Variants in CD164 observed in about 807,000 individuals in gnomAD.
CD164 encodes the protein sialomucin core protein 24.
In CD164, 11 loss-of-function variants were observed where a neutral mutation model predicts 24.6. The observed-to-expected ratio is 0.45, with a 90% confidence interval of 0.28 to 0.74. CD164 has a LOEUF of 0.74. Ranked by LOEUF, CD164 falls within the 30% of genes least tolerant of loss-of-function variation. The pLI, the probability that CD164 is intolerant of heterozygous loss-of-function variation, is 0.13. For synonymous variants in CD164, 126 were observed against 100.3 expected (o/e 1.26, Z -1.53); for missense variants, 295 against 243.7 (o/e 1.21, Z -1.40).
chr6:109,380,419 T>C (rs1771670761), intron 1 of CD164: 1 of 152,210 alleles, frequency 6.6e-6, no homozygotes, highest in Non-Finnish European at 1.5e-5. Flanking sequence ...TTGGGCTCCA[T>C]TCATTTTCCT....
intron 2 of CD164, among the ~76,000 whole-genome samples, chr6:109,378,623 G>A (rs1771556187): frequency 6.6e-6 from 1 of 152,066 alleles, no homozygotes; most frequent in Admixed American, 6.6e-5. Flanking sequence ...AGAGTAAGGG[G>A]AGAACCTTTC....
Position 109,367,889 on chromosome 6 carries a change from A to G in CD164, c.*962T>C, listed in dbSNP as rs1468487366. On this transcript the variant is annotated 3_prime_UTR_variant, in exon 6 of 6. Transcript: ENST00000310786. Reference sequence around the variant, plus strand: ...AATCCTTTCAAGGTACAATAGTGCTAGCATACTTTTTTTTAAAGTACAAAG... The same window carrying G: ...AATCCTTTCAAGGTACAATAGTGCTGGCATACTTTTTTTTAAAGTACAAAG... 1.3e-5 allele frequency: 2 copies of G among 158,058 alleles called. No homozygotes were observed. The highest frequency in any genetic ancestry group is 1.4e-5 in the Non-Finnish European group (1 of 71,890). The allele number at this position is 158,058 out of a possible 1,614,324, so 9.8% of individuals were successfully genotyped here. A position where few individuals can be genotyped will look rare whatever the true frequency, so the allele number is the denominator to read the frequency against.
intron 4 of CD164, among the ~76,000 whole-genome samples, chr6:109,375,617 C>CAA (rs58138405): frequency 4.1e-4 from 29 of 71,376 alleles, no homozygotes; most frequent in African/African-American, 1.0e-3. Flanking sequence ...ACTTCGCTTC[C>CAA]AAAAAAAAAA....
In CD164 at chr6:109,379,615, C is replaced by G. The variant is rs753764917; in HGVS notation, c.223G>C (p.Val75Leu). 1.2e-6 allele frequency: 2 copies of G among 1,613,574 alleles called. No individual in the cohort carries two copies. Among genetic ancestry groups the G allele is most frequent in the South Asian group, 2.2e-5 (2 of 90,944 alleles). ...ATCCAAAAGCAGGTAGTATTAACAA[C>G]GCTAACATTAAAACAGGAAACGCAG... ...NSCVSCFNVSVVNTTCFWIEC... is the reference protein window; with the variant it reads ...NSCVSCFNVSLVNTTCFWIEC... Residue 75 changes from valine (V) to leucine (L), a missense_variant, in exon 2 of 6, where the codon GTT becomes CTT. By Grantham distance (32) the Val-to-Leu change is conservative. Coordinates refer to ENST00000310786, the MANE Select transcript of CD164 (RefSeq NM_006016.6).
At position 109,370,459 on chromosome 6, in the gene CD164, T is replaced by G. The variant is rs934342363; in HGVS notation, c.379A>C (p.Thr127Pro). 3 of 1,612,030 alleles carry G rather than the reference T, an allele frequency of 1.9e-6. No individual in the cohort carries two copies. The highest frequency in any genetic ancestry group is 1.1e-5 in the South Asian group (1 of 90,736). ...GTTGTAGAAGGGGAGGGCTGAACTG[T>G]GGGTTTAGCTGGAATGAAAACAAAA... Reference protein sequence around the residue: ...VPTANSTAKPTVQPSPSTTSK... With the variant: ...VPTANSTAKPPVQPSPSTTSK... The change falls in exon 5 of 6, where the codon ACA becomes CCA. Residue 127 changes from threonine to proline, a missense_variant. By Grantham distance (38) the Thr-to-Pro change is conservative. Transcript: ENST00000310786.
chr6:109,379,806 G>A, intron 1 of CD164, 144 bp from the exon 2 acceptor site: 3 of 601,194 alleles, frequency 5.0e-6, no homozygotes, highest in Middle Eastern at 4.3e-4. Flanking sequence ...ACTTTATACT[G>A]GTTTACTAAG....
Position 109,368,257 on chromosome 6 carries a change from T to A in CD164, c.*594A>T. 6.5e-7 allele frequency: 1 copy of A among 1,534,262 alleles called. No homozygotes were observed. The highest frequency in any genetic ancestry group is 1.2e-5 in the South Asian group (1 of 81,748). On this transcript the variant is annotated 3_prime_UTR_variant, in exon 6 of 6. Coordinates refer to ENST00000310786, the MANE Select transcript of CD164 (RefSeq NM_006016.6). ...TTTACAAGTATGAACAATAATCTGT[T>A]ATACACACTAATGGTATCCTTTCAT... is the stretch of plus-strand genomic sequence containing the variant.
intron 3 of CD164, 33 bp downstream of exon 3, chr6:109,377,867 G>T: frequency 1.9e-6 from 3 of 1,550,250 alleles, no homozygotes; most frequent in Non-Finnish European, 1.8e-6. Context: ...CCTCTCTGCG[G>T]TCAGCTTCCA....
At position 109,368,762 on chromosome 6, in the gene CD164, T is replaced by C. The variant is rs1770909752; in HGVS notation, c.*89A>G. ...AATTTAAAGATCCTGGAATAGCGTC[T>C]TCCATGTGGGACATCTTAAAAGATA... is the stretch of plus-strand genomic sequence containing the variant. On this transcript the variant is annotated 3_prime_UTR_variant, in exon 6 of 6. Transcript: ENST00000310786. The C allele has an allele frequency of 6.7e-7, 1 of 1,491,340 alleles. No homozygotes were observed. Among genetic ancestry groups the C allele is most frequent in the Non-Finnish European group, 8.9e-7 (1 of 1,124,980 alleles). 92.4% of individuals were successfully genotyped at this position (1,491,340 alleles called of 1,614,324 possible). A position where few individuals can be genotyped will look rare whatever the true frequency, so the allele number is the denominator to read the frequency against.
intron 4 of CD164, 21 bp from the exon 5 acceptor site, chr6:109,370,488 C>T (rs1269227114): frequency 1.6e-5 from 25 of 1,603,816 alleles, no homozygotes; most frequent in Non-Finnish European, 2.0e-5. Context: ...AACAAAATGT[C>T]TTTTTAAAAA....
rs566580356 is a variant in CD164, at chr6:109,374,334, A to G, written c.370+1740T>C. Among the ~76,000 whole-genome samples, 11 of 152,282 alleles carry G rather than the reference A, an allele frequency of 7.2e-5. No homozygotes were observed. In the South Asian group the frequency reaches 1.0e-3, roughly 14 times the overall value. On this transcript the variant is annotated intron_variant, in intron 4 of 5. Transcript: ENST00000310786. ...AAAATCCCAAATGACAGGCCCAACCATCAATAGACTGCTCTTCCTCTTTCT... is the reference window on the plus strand; with the variant it reads ...AAAATCCCAAATGACAGGCCCAACCGTCAATAGACTGCTCTTCCTCTTTCT...
rs11251 is a variant in CD164 at position 109,368,704 on chromosome 6, G to T, written c.*147C>A. 552,696 of 1,385,232 alleles carry T rather than the reference G, an allele frequency of 0.4. 112,314 individuals carry two copies. The highest frequency in any genetic ancestry group is 0.51 in the East Asian group (18,772 of 36,650). The allele number at this position is 1,385,232 out of a possible 1,614,324, so 85.8% of individuals were successfully genotyped here. ...TTTAATTGATTTTTTCTTCACGGAT[G>T]ATGCTCCCAAACATCCTATATGCAT... On this transcript the variant is annotated 3_prime_UTR_variant, in exon 6 of 6. Transcript: ENST00000310786.
Position 109,368,263 on chromosome 6 carries a change from C to A in CD164, c.*588G>T. 1 of 1,537,718 alleles carries A rather than the reference C, an allele frequency of 6.5e-7. No homozygotes were observed. The highest frequency in any genetic ancestry group is 8.8e-7 in the Non-Finnish European group (1 of 1,138,902). On this transcript the variant is annotated 3_prime_UTR_variant, in exon 6 of 6. Transcript: ENST00000310786. ...AGTATGAACAATAATCTGTTATACA[C>A]ACTAATGGTATCCTTTCATTTCTTT... is the stretch of plus-strand genomic sequence containing the variant.
At chr6:109,381,975 C>T in intron 1 of CD164, 1 of 381,692 alleles carries the variant, frequency 2.6e-6, no homozygotes, top group Non-Finnish European at 4.6e-6. Context: ...GGCCCCAGCC[C>T]CGCAGCCACT....
At chr6:109,370,342 G>T in intron 5 of CD164, 69 bp downstream of exon 5, 2 of 1,250,410 alleles carry the variant, frequency 1.6e-6, no homozygotes, top group Non-Finnish European at 2.3e-6. Context: ...GAAAATGATG[G>T]CAGAAATTGT....
At position 109,377,955 on chromosome 6, in the gene CD164, T is replaced by C. The variant is rs556025572; in HGVS notation, c.276A>G (p.Ser92=). 1.2e-4 allele frequency: 197 copies of C among 1,613,542 alleles called. No homozygotes were observed. The highest frequency in any genetic ancestry group is 5.5e-4 in the Admixed American group (33 of 60,020). The part of the protein sequence containing the change: ...WIECKDESYC[S]HNSTVSDCQV... ...GACAATCACTAACTGTTGAGTTATG[T>C]GAACAATAGCTCTCATCTGTTGGGG... The change falls in exon 3 of 6, where the codon TCA becomes TCG. Residue 92 remains serine (S), a synonymous_variant. Coordinates refer to ENST00000310786, the MANE Select transcript of CD164 (RefSeq NM_006016.6).
chr6:109,368,635 G>A lies in CD164; in HGVS notation c.*216C>T. The A allele has an allele frequency of 7.3e-7, 1 of 1,360,716 alleles. No homozygotes were observed. Among genetic ancestry groups the A allele is most frequent in the East Asian group, 2.8e-5 (1 of 35,526 alleles). 84.3% of individuals were successfully genotyped at this position (1,360,716 alleles called of 1,614,324 possible). Reference sequence around the variant, plus strand: ...AGCTATTTAAAATAAGACAGCCACAGGATTCATGCAGAATATTTTAAATAT... The same window carrying A: ...AGCTATTTAAAATAAGACAGCCACAAGATTCATGCAGAATATTTTAAATAT... On this transcript the variant is annotated 3_prime_UTR_variant, in exon 6 of 6. Coordinates refer to ENST00000310786, the MANE Select transcript of CD164 (RefSeq NM_006016.6).
In CD164 at chr6:109,376,118, A is replaced by AACAAAAG; in HGVS notation, c.332-7_332-6insCTTTTGT. On this transcript the variant is annotated splice_region_variant and splice_polypyrimidine_tract_variant and intron_variant, in intron 3 of 5. Coordinates refer to ENST00000310786, the MANE Select transcript of CD164 (RefSeq NM_006016.6). ...CACTGGAGTGGCCGTGGAAACTATTAAAAAAAGAAAAAAGAAAAACCATAT... is the reference window on the plus strand; with the variant it reads ...CACTGGAGTGGCCGTGGAAACTATTAACAAAAGAAAAAAGAAAAAAGAAAAACCATAT... 1 of 1,558,658 alleles carries AACAAAAG rather than the reference A, an allele frequency of 6.4e-7. No homozygotes were observed. Among genetic ancestry groups the AACAAAAG allele is most frequent in the Non-Finnish European group, 8.6e-7 (1 of 1,162,740 alleles).
In CD164 at chr6:109,367,666, G is replaced by A. The variant is rs573056346; in HGVS notation, c.*1185C>T. 2 of 152,622 alleles carry A rather than the reference G, an allele frequency of 1.3e-5. No homozygotes were observed. Among genetic ancestry groups the A allele is most frequent in the South Asian group, 4.1e-4 (2 of 4,828 alleles). 9.5% of individuals were successfully genotyped at this position (152,622 alleles called of 1,614,324 possible). ...AATCAGTAAAAATCTACAGTAACCT[G>A]ATCAACCAAAAAATCCTTAGGTGTT... On this transcript the variant is annotated 3_prime_UTR_variant, in exon 6 of 6. Coordinates refer to ENST00000310786, the MANE Select transcript of CD164 (RefSeq NM_006016.6).
Sources: allele counts gnomAD v4.1 joint callset (sites outside exome capture counted in the v4.1 genomes callset), GRCh38; gene constraint gnomAD v4.1.1; transcripts MANE v1.5; gene names NCBI Gene and HGNC (gene_info 2026-07-23, HGNC 2026-07-21).